BTD: variants seen among roughly 807,000 people sequenced by gnomAD.
BTD encodes the protein biocytinase.
Under a neutral mutation model 17.7 loss-of-function variants are expected in BTD, and 13 were observed. That is an observed-to-expected ratio of 0.74 (90% CI 0.48 to 1.17). The LOEUF (loss-of-function observed/expected upper bound fraction) is 1.17, where lower values mean the gene tolerates loss of function less well. Among genes scored for constraint, BTD ranks in the 50% most tolerant of loss-of-function variants. The pLI is 0.00. For synonymous variants in BTD, 240 were observed against 245.2 expected (o/e 0.98, Z 0.20); for missense variants, 674 against 650.4 (o/e 1.04, Z -0.39).
At chr3:15,634,615 T>C (rs1271451975) in intron 1 of BTD, among the ~76,000 whole-genome samples, 1 of 152,344 alleles carries the variant, frequency 6.6e-6, no homozygotes, top group East Asian at 1.9e-4. Flanking sequence ...AATTTGTAGT[T>C]TATTTTCTAG....
rs771251410 is a variant in BTD, at chr3:15,644,664, A to G, written c.748A>G (p.Thr250Ala). ...CAAGGTGAAGCATGTTGTGTACCCA[A>G]CTGCCTGGATGAACCAGCTCCCACT... Reference protein sequence around the residue: ...DYKVKHVVYPTAWMNQLPLLA... With the variant: ...DYKVKHVVYPAAWMNQLPLLA... The change falls in exon 4 of 4, where the codon ACT (threonine) becomes GCT (alanine). Residue 250 changes from threonine to alanine, a missense_variant. By Grantham distance (58) the Thr-to-Ala change is moderately conservative. Coordinates refer to ENST00000643237, the MANE Select transcript of BTD (RefSeq NM_001370658.1). 23 of 1,614,076 alleles carry G rather than the reference A, an allele frequency of 1.4e-5. No individual in the cohort carries two copies. The highest frequency in any genetic ancestry group is 2.2e-5 in the East Asian group (1 of 44,884).
chr3:15,679,467 T>G lies in BTD; in HGVS notation c.400-30593T>G, dbSNP rs17041446. ...CAAACCAAATCTGATTCATTCTGGC[T>G]TTACTTACACGGCACAATGCAATGG... is the stretch of plus-strand genomic sequence containing the variant. On this transcript the variant is annotated intron_variant, in intron 3 of 3. Transcript: ENST00000672141. The G allele has an allele frequency of 4.6e-3, 7,415 of 1,613,854 alleles. 303 individuals are homozygous for G. The African/African-American group carries it at 0.083, about 18-fold the overall frequency.
intron 1 of BTD, among the ~76,000 whole-genome samples, chr3:15,629,811 C>G (rs1559589053): frequency 6.6e-6 from 1 of 152,198 alleles, no homozygotes; most frequent in African/African-American, 2.4e-5. Flanking sequence ...GCCAGGAGAC[C>G]TGGCTCCCAG....
At chr3:15,667,800 T>G (rs1434993100) in intron 3 of BTD, 2 of 152,240 alleles carry the variant, frequency 1.3e-5, no homozygotes, top group Non-Finnish European at 2.9e-5. Context: ...ATGTTTTTGG[T>G]AACAGCATCA....
At position 15,609,174 on chromosome 3, in the gene BTD, A is replaced by G. The variant is rs114026969; in HGVS notation, c.-17+7280A>G. Among the ~76,000 whole-genome samples, 497 of 152,326 alleles carry G rather than the reference A, an allele frequency of 3.3e-3. 3 individuals are homozygous for G. The highest frequency in any genetic ancestry group is 0.012 in the African/African-American group (486 of 41,570). The stretch of plus-strand genomic sequence containing the variant: ...ATTTATTCTTTTCACTTCAAAAAAA[A>G]TACATTTAACATTTATGACATCTTT... On this transcript the variant is annotated intron_variant, in intron 1 of 3. Coordinates refer to ENST00000643237, the MANE Select transcript of BTD (RefSeq NM_001370658.1).
intron 3 of BTD, among the ~76,000 whole-genome samples, chr3:15,661,573 A>AT (rs1187488232): frequency 2.5e-4 from 38 of 152,118 alleles, no homozygotes; most frequent in Admixed American, 4.6e-4. Flanking sequence ...GTCTTTTGCA[A>AT]TTTTTTTCCT....
At chr3:15,642,099 A>G in intron 3 of BTD, 42 bp downstream of exon 3, 2 of 1,611,750 alleles carry the variant, frequency 1.2e-6, no homozygotes, top group Non-Finnish European at 1.7e-6. Context: ...GGGTACACAG[A>G]GGTGATCTAA....
chr3:15,606,817 C>T (rs34356435), intron 1 of BTD: 1 of 152,110 alleles, frequency 6.6e-6, no homozygotes, highest in Non-Finnish European at 1.5e-5. Context: ...CCTTTGCAAT[C>T]CAATTGTAAT....
At chr3:15,601,471 C>T, upstream of BTD, 1 of 1,612,632 alleles carries the variant, frequency 6.2e-7, no homozygotes, top group African/African-American at 1.3e-5. Flanking sequence ...CATCTTCCAC[C>T]GAAAAGCTCT....
At position 15,647,999 on chromosome 3, in the gene BTD, C is replaced by T. The variant is rs2065733520; in HGVS notation, c.*2511C>T. 1.3e-5 allele frequency among the ~76,000 whole-genome samples: 2 copies of T among 152,194 alleles called. No individual in the cohort carries two copies. Among genetic ancestry groups the T allele is most frequent in the South Asian group, 2.1e-4 (1 of 4,828 alleles). ...CAGAGCCCCTGCTGAGGGAAACCCACCCAGGCCACTTTTCCCCACAGGTGG... is the reference window on the plus strand; with the variant it reads ...CAGAGCCCCTGCTGAGGGAAACCCATCCAGGCCACTTTTCCCCACAGGTGG... On this transcript the variant is annotated 3_prime_UTR_variant, in exon 4 of 4. Transcript: ENST00000643237.
chr3:15,667,366 G>A (rs577036634), intron 3 of BTD: 1 of 152,314 alleles, frequency 6.6e-6, no homozygotes, highest in East Asian at 1.9e-4. Context: ...CTTGTTAAAG[G>A]AGGTCATTTG....
At chr3:15,656,168 C>T (rs967686428), downstream of BTD, among the ~76,000 whole-genome samples, 10 of 152,174 alleles carry the variant, frequency 6.6e-5, no homozygotes, top group Non-Finnish European at 1.2e-4. Flanking sequence ...AAAGATTTAG[C>T]CTGCTAACTT....
At chr3:15,682,769 T>C (rs949095343) in intron 3 of BTD, among the ~76,000 whole-genome samples, 3 of 152,240 alleles carry the variant, frequency 2.0e-5, no homozygotes, top group African/African-American at 7.2e-5. Context: ...ACTTTCAGAA[T>C]GCCAAATTAT....
chr3:15,685,118 T>G, intron 3 of BTD: 1 of 1,120,422 alleles, frequency 8.9e-7, no homozygotes, highest in Admixed American at 1.8e-5. Context: ...CAGTAGATTA[T>G]TCCCAAGGTT....
At chr3:15,685,501 A>G (rs3817082) in intron 3 of BTD, 181,284 of 1,520,632 alleles carry the variant, frequency 0.12, 18,103 homozygotes, top group East Asian at 0.55. Flanking sequence ...ATTACATGCC[A>G]ATTTCAGCTA....
At chr3:15,705,887 TAC>T (rs1234060401) in intron 3 of BTD, among the ~76,000 whole-genome samples, 1 of 152,070 alleles carries the variant, frequency 6.6e-6, no homozygotes, top group Non-Finnish European at 1.5e-5. Flanking sequence ...TAGTCCCAGC[TAC>T]TCAGGAGGCT....
intron 3 of BTD, among the ~76,000 whole-genome samples, chr3:15,697,812 GCTC>G: frequency 6.6e-6 from 1 of 152,292 alleles, no homozygotes. Flanking sequence ...AATGGTACCA[GCTC>G]CTCTTTGTAC....
intron 3 of BTD, chr3:15,696,039 T>C: frequency 3.5e-6 from 3 of 860,772 alleles, no homozygotes; most frequent in South Asian, 1.6e-5. Flanking sequence ...AAAAACAAAA[T>C]GGAATTTGTT....
Position 15,645,288 on chromosome 3 carries a change from G to C in BTD, c.1372G>C (p.Ala458Pro), listed in dbSNP as rs181396238. 9 of 1,614,194 alleles carry C rather than the reference G, an allele frequency of 5.6e-6. No homozygotes were observed. The South Asian group carries it at 8.8e-5, about 16-fold the overall frequency. ...FDTCGQEITE[A>P]TGIFEFHLWG... ...CACCTGTGGACAGGAAATCACAGAGGCCACGGGGATATTTGAGTTTCACCT... is the reference window on the plus strand; with the variant it reads ...CACCTGTGGACAGGAAATCACAGAGCCCACGGGGATATTTGAGTTTCACCT... The change falls in exon 4 of 4, where the codon GCC (alanine) becomes CCC (proline). Residue 458 changes from alanine to proline, a missense_variant. Ala to Pro is a conservative substitution (Grantham distance 27). Coordinates refer to ENST00000643237, the MANE Select transcript of BTD (RefSeq NM_001370658.1).
Sources: gnomAD v4.1 joint callset for allele counts (sites outside exome capture counted in the v4.1 genomes callset) on GRCh38, gnomAD v4.1.1 for gene constraint, MANE v1.5 for transcripts, NCBI Gene and HGNC (gene_info 2026-07-23, HGNC 2026-07-21) for gene names.